CEP85: variants seen among roughly 807,000 people sequenced by gnomAD.
The protein encoded by CEP85 is centrosomal protein 85.
In CEP85, 58 loss-of-function variants were observed where a neutral mutation model predicts 93.7. That is an observed-to-expected ratio of 0.62 (90% CI 0.50 to 0.77). The LOEUF (loss-of-function observed/expected upper bound fraction) is 0.77, where lower values mean the gene tolerates loss of function less well. Among genes scored for constraint, CEP85 ranks in the 30% least tolerant of loss-of-function variants. The pLI, the probability that CEP85 is intolerant of heterozygous loss-of-function variation, is 0.00. For synonymous variants in CEP85, 314 were observed against 338.6 expected, an observed-to-expected ratio of 0.93 and a Z score of 0.80; for missense variants, 868 against 922.0, an observed-to-expected ratio of 0.94 and a Z score of 0.76.
chr1:26,259,396 G>T (rs2089771650), intron 6 of CEP85, among the ~76,000 whole-genome samples: 1 of 152,172 alleles, frequency 6.6e-6, no homozygotes, highest in Admixed American at 6.5e-5. Context: ...ACAGTTTCTG[G>T]TTTGGTGGGC....
chr1:26,261,720 C>CTT (rs1553160488), intron 7 of CEP85, among the ~76,000 whole-genome samples: 1 of 149,180 alleles, frequency 6.7e-6, no homozygotes, highest in South Asian at 2.1e-4. Flanking sequence ...CATAGTGAGA[C>CTT]TCTCTTAAAA....
chr1:26,273,900 CAAAATAAATAAA>C (rs1279725082), intron 11 of CEP85, among the ~76,000 whole-genome samples: 2 of 124,648 alleles, frequency 1.6e-5, no homozygotes, highest in South Asian at 2.8e-4. Context: ...AACCCCATCT[CAAAATAAATAAA>C]TAAATAAATA....
chr1:26,275,801 G>C (rs898265329), intron 12 of CEP85, among the ~76,000 whole-genome samples: 16 of 152,170 alleles, frequency 1.1e-4, no homozygotes, highest in African/African-American at 3.9e-4. Flanking sequence ...TGTGGGTGGA[G>C]GGCCTGGGAC....
At chr1:26,238,721 G>T (rs2089370705) in intron 1 of CEP85, among the ~76,000 whole-genome samples, 1 of 152,168 alleles carries the variant, frequency 6.6e-6, no homozygotes, top group Non-Finnish European at 1.5e-5. Context: ...GAGGAACAGA[G>T]ATACTAAGAA....
At chr1:26,248,097 A>C (rs1048553095) in intron 3 of CEP85, among the ~76,000 whole-genome samples, 14 of 152,204 alleles carry the variant, frequency 9.2e-5, no homozygotes, top group African/African-American at 1.4e-4. Context: ...TGATTGGTGA[A>C]TAACAAAAAT....
At chr1:26,253,383 C>G (rs930962598) in intron 3 of CEP85, among the ~76,000 whole-genome samples, 1 of 146,170 alleles carries the variant, frequency 6.8e-6, no homozygotes, top group Non-Finnish European at 1.5e-5. Flanking sequence ...AACTTGTTAT[C>G]TTTCATCTTT....
chr1:26,251,479 G>A (rs1403326398), intron 3 of CEP85, among the ~76,000 whole-genome samples: 2 of 151,678 alleles, frequency 1.3e-5, no homozygotes, highest in South Asian at 2.1e-4. Flanking sequence ...TCAAACTCCG[G>A]ACCTCAGGTG....
chr1:26,271,409 G>A, intron 10 of CEP85: 1 of 276,374 alleles, frequency 3.6e-6, no homozygotes, highest in Middle Eastern at 1.3e-3. Context: ...TTTATTCATG[G>A]CTCAGGCCCA....
Position 26,276,663 on chromosome 1 carries a change from G to A in CEP85, c.2031G>A (p.Leu677=), listed in dbSNP as rs780341742. ...TGGCACTTGAGCTGCACCAGGAGTT[G>A]GCCAGTTGCCTTCAAGATCTGCAGG... ...AQLALELHQE[L]ASCLQDLQAV... Residue 677 remains leucine (L), a synonymous_variant, in exon 13 of 14, where the codon TTG becomes TTA. Transcript: ENST00000451429. 6.2e-7 allele frequency: 1 copy of A among 1,614,184 alleles called. No homozygotes were observed. Among genetic ancestry groups the A allele is most frequent in the South Asian group, 1.1e-5 (1 of 91,084 alleles).
At chr1:26,272,645 G>A (rs60973536) in intron 11 of CEP85, among the ~76,000 whole-genome samples, 1 of 37,924 alleles carries the variant, frequency 2.6e-5, no homozygotes, top group African/African-American at 1.1e-4. Flanking sequence ...TTTTTTTTTT[G>A]GAGACAGAGT....
At chr1:26,267,353 CAG>C (rs139466869) in intron 7 of CEP85, among the ~76,000 whole-genome samples, 24,741 of 152,100 alleles carry the variant, frequency 0.16, 2,101 homozygotes, top group Middle Eastern at 0.19. Context: ...CACCTGAAGT[CAG>C]GGGTTCGAGA....
chr1:26,241,493 C>T (rs2089425416), intron 2 of CEP85, among the ~76,000 whole-genome samples: 1 of 152,088 alleles, frequency 6.6e-6, no homozygotes, highest in African/African-American at 2.4e-5. Context: ...ATCTGCCCGC[C>T]TGGGCCTCGC....
chr1:26,242,249 T>C (rs2089440116), intron 2 of CEP85, among the ~76,000 whole-genome samples: 1 of 152,072 alleles, frequency 6.6e-6, no homozygotes, highest in African/African-American at 2.4e-5. Flanking sequence ...GTCAGGAAGA[T>C]GGTAATAGAG....
intron 1 of CEP85, among the ~76,000 whole-genome samples, chr1:26,237,742 A>T (rs2089348496): frequency 6.6e-6 from 1 of 152,136 alleles, no homozygotes; most frequent in South Asian, 2.1e-4. Flanking sequence ...GGTAACTCGG[A>T]GTTCTCCTTC....
At chr1:26,255,903 T>C in intron 4 of CEP85, 38 bp downstream of exon 4, 1 of 1,511,726 alleles carries the variant, frequency 6.6e-7, no homozygotes, top group Non-Finnish European at 8.9e-7. Context: ...CTAGGTTCTG[T>C]ACAGTTCTTA....
In CEP85 at chr1:26,269,542, T is replaced by C. The variant is rs752018173; in HGVS notation, c.1577T>C (p.Ile526Thr). The change falls in exon 9 of 14, where the codon ATC becomes ACC. Residue 526 changes from isoleucine (I) to threonine (T), a missense_variant. Ile to Thr is a moderately conservative substitution (Grantham distance 89). Transcript: ENST00000451429. Reference sequence around the variant, plus strand: ...AGTTTGCTGGAGGAGACCCAGGCAATCTGCAGAGAGAAGGAGATTCAACTG... The same window carrying C: ...AGTTTGCTGGAGGAGACCCAGGCAACCTGCAGAGAGAAGGAGATTCAACTG... The part of the protein sequence containing the change: ...LESLLEETQA[I>T]CREKEIQLES... The C allele has an allele frequency of 1.5e-5, 24 of 1,613,842 alleles. No individual in the cohort carries two copies. Among genetic ancestry groups the C allele is most frequent in the Non-Finnish European group, 1.2e-5 (14 of 1,179,962 alleles).
At chr1:26,252,756 G>A (rs1396176974) in intron 3 of CEP85, among the ~76,000 whole-genome samples, 5 of 151,908 alleles carry the variant, frequency 3.3e-5, no homozygotes, top group Admixed American at 3.3e-4. Flanking sequence ...TTTTTAGTGT[G>A]GCCTTTTATA....
At chr1:26,269,979 G>A (rs376753027) in intron 9 of CEP85, among the ~76,000 whole-genome samples, 19 of 151,804 alleles carry the variant, frequency 1.3e-4, no homozygotes, top group African/African-American at 4.1e-4. Context: ...TAGTAGAGAC[G>A]GGGTTTCACC....
intron 6 of CEP85, among the ~76,000 whole-genome samples, chr1:26,258,601 TTC>T (rs912098083): frequency 6.1e-5 from 9 of 147,660 alleles, no homozygotes; most frequent in South Asian, 2.1e-4. Flanking sequence ...TTTAGAGCTA[TTC>T]TCTCTCTTTT....
Sources: allele counts gnomAD v4.1 joint callset (sites outside exome capture counted in the v4.1 genomes callset), GRCh38; gene constraint gnomAD v4.1.1; transcripts MANE v1.5; gene names NCBI Gene and HGNC (gene_info 2026-07-23, HGNC 2026-07-21).